Variants in GPNMB observed in about 807,000 individuals in gnomAD.
GPNMB encodes transmembrane glycoprotein NMB.
GPNMB carries 71 observed loss-of-function variants against 57.3 expected under a neutral mutation model. That is an observed-to-expected ratio of 1.24 (90% CI 1.02 to 1.51). The LOEUF is 1.51. Among genes scored for constraint, GPNMB ranks in the 40% most tolerant of loss-of-function variants. The pLI, the probability that GPNMB is intolerant of heterozygous loss-of-function variation, is 0.00. For synonymous variants in GPNMB, 253 were observed against 263.2 expected (o/e 0.96, Z 0.38); for missense variants, 677 against 691.9 (o/e 0.98, Z 0.24).
At chr7:23,259,509 T>C (rs1255903877) in intron 4 of GPNMB, among the ~76,000 whole-genome samples, 1 of 152,184 alleles carries the variant, frequency 6.6e-6, no homozygotes, top group African/African-American at 2.4e-5. Flanking sequence ...ATACAAATAC[T>C]ATTAGGAGAT....
chr7:23,271,077 C>T (rs551808945), intron 9 of GPNMB, among the ~76,000 whole-genome samples: 4 of 152,320 alleles, frequency 2.6e-5, no homozygotes, highest in Non-Finnish European at 5.9e-5. Context: ...GGGATGGTTT[C>T]GGGATGAAAC....
At chr7:23,254,117 A>C in intron 2 of GPNMB, 52 bp from the exon 3 acceptor site, 1 of 1,556,080 alleles carries the variant, frequency 6.4e-7, no homozygotes. Context: ...AATGTTTATG[A>C]ACGAAAGGAA....
At position 23,269,958 on chromosome 7, in the gene GPNMB, C is replaced by G. The variant is rs1562643594; in HGVS notation, c.1221-9C>G. On this transcript the variant is annotated splice_polypyrimidine_tract_variant and intron_variant, in intron 8 of 10. Coordinates refer to ENST00000258733, the MANE Select transcript of GPNMB (RefSeq NM_002510.3). The stretch of plus-strand genomic sequence containing the variant: ...CCCTGTGCGCCCTCGCCCACCTCCC[C>G]TGTCGCAGCATTCCCACGGAGGTCT... 2 of 1,611,344 alleles carry G rather than the reference C, an allele frequency of 1.2e-6. No individual in the cohort carries two copies. Among genetic ancestry groups the G allele is most frequent in the Non-Finnish European group, 8.5e-7 (1 of 1,177,628 alleles).
Position 23,274,187 on chromosome 7 carries a change from C to T in GPNMB, c.1646C>T (p.Pro549Leu), listed in dbSNP as rs376378252. The T allele has an allele frequency of 1.8e-5, 29 of 1,613,744 alleles. No homozygotes were observed. The highest frequency in any genetic ancestry group is 5.0e-5 in the Admixed American group (3 of 59,952). Residue 549 changes from proline to leucine, a missense_variant, in exon 11 of 11, where the codon CCG becomes CTG. Coordinates refer to ENST00000258733, the MANE Select transcript of GPNMB (RefSeq NM_002510.3). ...VFFPGNQEKD[P>L]LLKNQEFKGV... ...TTCCCGGGAAACCAGGAAAAGGATC[C>T]GCTACTCAAAAACCAAGAATTTAAA...
At chr7:23,273,678 G>A (rs1783267956) in intron 10 of GPNMB, 64 bp downstream of exon 10, 4 of 1,020,956 alleles carry the variant, frequency 3.9e-6, no homozygotes, top group Non-Finnish European at 4.6e-6. Flanking sequence ...ATATATCTCT[G>A]TGTAAATAGG....
chr7:23,264,405 C>G (rs548960593), intron 6 of GPNMB, among the ~76,000 whole-genome samples: 19 of 151,778 alleles, frequency 1.3e-4, no homozygotes, highest in African/African-American at 4.6e-4. Context: ...TAGAGTCTTG[C>G]TCTGTTGCCC....
intron 8 of GPNMB, among the ~76,000 whole-genome samples, chr7:23,268,804 G>A (rs1469905359): frequency 1.3e-5 from 2 of 152,170 alleles, no homozygotes; most frequent in Non-Finnish European, 2.9e-5. Flanking sequence ...CTGACCCAGG[G>A]AGTGAAGCTG....
At position 23,269,028 on chromosome 7, in the gene GPNMB, A is replaced by G. The variant is rs562320866; in HGVS notation, c.1221-939A>G. Reference sequence around the variant, plus strand: ...ACCCCTGGCTGCTTGTATGACCTGGACTCGTTAATCTCTCTCCCTGATTTG... The same window carrying G: ...ACCCCTGGCTGCTTGTATGACCTGGGCTCGTTAATCTCTCTCCCTGATTTG... On this transcript the variant is annotated intron_variant, in intron 8 of 10. Coordinates refer to ENST00000258733, the MANE Select transcript of GPNMB (RefSeq NM_002510.3). Among the ~76,000 whole-genome samples, 5 of 152,114 alleles carry G rather than the reference A, an allele frequency of 3.3e-5. No individual in the cohort carries two copies. In the East Asian group the frequency reaches 9.7e-4, roughly 29 times the overall value.
intron 3 of GPNMB, among the ~76,000 whole-genome samples, chr7:23,255,032 G>A (rs77962914): frequency 0.016 from 2,382 of 152,168 alleles, 63 homozygotes; most frequent in African/African-American, 0.055. Flanking sequence ...TTAGCCAGGC[G>A]TGGTGAGATG....
At chr7:23,250,655 G>T (rs1206372628) in intron 1 of GPNMB, 3 of 152,006 alleles carry the variant, frequency 2.0e-5, no homozygotes, top group Non-Finnish European at 4.4e-5. Flanking sequence ...CCTATCCCTT[G>T]TAACTCTCCT....
intron 2 of GPNMB, among the ~76,000 whole-genome samples, 173 bp downstream of exon 2, chr7:23,253,632 CA>C (rs1284452356): frequency 6.6e-6 from 1 of 152,192 alleles, no homozygotes; most frequent in Non-Finnish European, 1.5e-5. Context: ...CCAACACTAT[CA>C]CTTCCTAAAC....
At chr7:23,254,370 C>T (rs1305747929) in intron 3 of GPNMB, 58 bp downstream of exon 3, 2 of 1,404,626 alleles carry the variant, frequency 1.4e-6, no homozygotes, top group Admixed American at 3.5e-5. Context: ...CCTTAATGAT[C>T]ACAGGTGCTT....
At chr7:23,261,609 C>G (rs1202298385) in intron 6 of GPNMB, among the ~76,000 whole-genome samples, 2 of 151,916 alleles carry the variant, frequency 1.3e-5, no homozygotes, top group African/African-American at 4.8e-5. Flanking sequence ...GGGCGGGGAA[C>G]ATCACACACC....
At chr7:23,248,094 C>T (rs1782577542) in intron 1 of GPNMB, 1 of 152,324 alleles carries the variant, frequency 6.6e-6, no homozygotes, top group Non-Finnish European at 1.5e-5. Context: ...GGCTGGGTCT[C>T]CAGTGGCTTT....
At chr7:23,269,287 G>C (rs3757449) in intron 8 of GPNMB, among the ~76,000 whole-genome samples, 7,522 of 152,206 alleles carry the variant, frequency 0.049, 229 homozygotes, top group Middle Eastern at 0.096. Context: ...TCGGGAGGCT[G>C]AAGCAGGAGA....
intron 1 of GPNMB, among the ~76,000 whole-genome samples, chr7:23,252,754 C>T (rs1279706563): frequency 6.6e-6 from 1 of 152,134 alleles, no homozygotes; most frequent in Non-Finnish European, 1.5e-5. Flanking sequence ...TATCAACTAG[C>T]TTGACATAAA....
intron 3 of GPNMB, among the ~76,000 whole-genome samples, chr7:23,255,804 T>A (rs1003897365): frequency 1.4e-4 from 21 of 152,256 alleles, no homozygotes; most frequent in Non-Finnish European, 1.5e-5. Context: ...GTTATTTTGA[T>A]ACATGCATAC....
At position 23,269,989 on chromosome 7, in the gene GPNMB, A is replaced by G. The variant is rs1215796772; in HGVS notation, c.1243A>G (p.Ile415Val). The change falls in exon 9 of 11, where the codon ATC (isoleucine) becomes GTC (valine). Residue 415 changes from isoleucine to valine, a missense_variant. By Grantham distance (29) the Ile-to-Val change is conservative. Coordinates refer to ENST00000258733, the MANE Select transcript of GPNMB (RefSeq NM_002510.3). ...CAGCATTCCCACGGAGGTCTGTACC[A>G]TCATTTCTGACCCCACCTGCGAGAT... ...QGSIPTEVCT[I>V]ISDPTCEITQ... The G allele has an allele frequency of 1.9e-6, 3 of 1,613,968 alleles. No homozygotes were observed. Among genetic ancestry groups the G allele is most frequent in the African/African-American group, 2.7e-5 (2 of 74,964 alleles).
In GPNMB at chr7:23,260,628, G is replaced by GT; in HGVS notation, c.876dup (p.Val293CysfsTer20). ...GGAGCTTCGGGGATAATACTGGCCT[G>GT]TTTGTTTCCACCAATCATACTGTGA... On this transcript the variant is annotated frameshift_variant, in exon 6 of 11. Transcript: ENST00000258733. LOFTEE classifies it high-confidence loss of function. 6.2e-7 allele frequency: 1 copy of GT among 1,614,058 alleles called. No homozygotes were observed.
Sources: allele counts gnomAD v4.1 joint callset (sites outside exome capture counted in the v4.1 genomes callset), GRCh38; gene constraint gnomAD v4.1.1; transcripts MANE v1.5; gene names NCBI Gene and HGNC (gene_info 2026-07-23, HGNC 2026-07-21).